Variants in PRKX observed in about 807,000 individuals in gnomAD.
The protein encoded by PRKX is cAMP-dependent protein kinase catalytic subunit PRKX.
PRKX carries 12 observed loss-of-function variants against 22.0 expected under a neutral mutation model. That is an observed-to-expected ratio of 0.54 (90% confidence interval 0.35 to 0.88). PRKX has a LOEUF of 0.88. Ranked by LOEUF, PRKX falls within the 40% of genes least tolerant of loss-of-function variation. The pLI is 0.01. For synonymous variants in PRKX, 134 were observed against 137.7 expected, an observed-to-expected ratio of 0.97 and a Z score of 0.19; for missense variants, 217 against 308.0, an observed-to-expected ratio of 0.70 and a Z score of 2.21.
At chrX:3,610,472 ACT>A (rs1926272067) in intron 8 of PRKX, among the ~76,000 whole-genome samples, 1 of 110,807 alleles carries the variant, frequency 9.0e-6, no homozygotes, top group Non-Finnish European at 1.9e-5. Context: ...ACCGAGCGAG[ACT>A]CTGTCTCAAA....
At chrX:3,679,741 C>A (rs768912080) in intron 1 of PRKX, among the ~76,000 whole-genome samples, 1 of 112,074 alleles carries the variant, frequency 8.9e-6, no homozygotes. Flanking sequence ...CCCAAATATA[C>A]CTGATCTATA....
At chrX:3,623,416 C>A (rs187922260) in intron 5 of PRKX, among the ~76,000 whole-genome samples, 29 of 110,013 alleles carry the variant, frequency 2.6e-4, no homozygotes, top group African/African-American at 9.6e-4. Context: ...ATTGGCCAGG[C>A]ATGGTGGTGC....
intron 3 of PRKX, among the ~76,000 whole-genome samples, chrX:3,647,864 A>T (rs1367823672): frequency 9.1e-6 from 1 of 109,541 alleles, no homozygotes; most frequent in Admixed American, 1.0e-4. Context: ...TCCTCATTAA[A>T]CAGCATCTTC....
chrX:3,628,474 T>G (rs1926705256), intron 4 of PRKX, among the ~76,000 whole-genome samples: 1 of 112,115 alleles, frequency 8.9e-6, no homozygotes, highest in African/African-American at 3.2e-5. Context: ...CTCCATTCTT[T>G]GTATCAAAGC....
chrX:3,639,609 G>A (rs1423295173), intron 4 of PRKX, among the ~76,000 whole-genome samples: 1 of 106,732 alleles, frequency 9.4e-6, no homozygotes, highest in Admixed American at 1.0e-4. Context: ...TATAAACATA[G>A]ATAAATAGAC....
intron 1 of PRKX, among the ~76,000 whole-genome samples, chrX:3,701,472 T>A (rs1928571206): frequency 8.9e-6 from 1 of 112,416 alleles, no homozygotes; most frequent in African/African-American, 3.2e-5. Context: ...TCTAGACAAG[T>A]TGCTTTCTCA....
rs1926135550 is a variant in PRKX, at chrX:3,605,049, A to G, written c.*3920T>C. On this transcript the variant is annotated 3_prime_UTR_variant, in exon 9 of 9. Transcript: ENST00000262848. The stretch of plus-strand genomic sequence containing the variant: ...CACACACACACACACACACACACAC[A>G]CACACACACACCCCGCAAAGAAACT... The G allele has an allele frequency of 9.4e-6, 1 of 106,941 alleles. No individual in the cohort carries two copies. Among genetic ancestry groups the G allele is most frequent in the Non-Finnish European group, 1.9e-5 (1 of 51,777 alleles). 8.8% of individuals were successfully genotyped at this position (106,941 alleles called of 1,213,427 possible). A position where few individuals can be genotyped will look rare whatever the true frequency, so the allele number is the denominator to read the frequency against.
At chrX:3,635,515 G>A (rs1461401714) in intron 4 of PRKX, among the ~76,000 whole-genome samples, 2 of 111,626 alleles carry the variant, frequency 1.8e-5, no homozygotes, top group East Asian at 5.6e-4. Context: ...ATGGCCCAGG[G>A]GCTTTCTCTT....
intron 4 of PRKX, among the ~76,000 whole-genome samples, chrX:3,630,365 C>G (rs1275105132): frequency 9.0e-6 from 1 of 111,113 alleles, no homozygotes; most frequent in Non-Finnish European, 1.9e-5. Context: ...TCGAGACCAT[C>G]CTGGCTAACA....
At chrX:3,680,778 C>T (rs1928056969) in intron 1 of PRKX, among the ~76,000 whole-genome samples, 2 of 112,060 alleles carry the variant, frequency 1.8e-5, no homozygotes, top group South Asian at 7.4e-4. Context: ...TACAGCCAGG[C>T]ACCGTAGCTC....
chrX:3,676,061 T>A (rs192722810), intron 1 of PRKX, among the ~76,000 whole-genome samples: 1 of 111,455 alleles, frequency 9.0e-6, no homozygotes, highest in African/African-American at 3.3e-5. Context: ...TTCTAGAGTA[T>A]CCCTAAATTG....
Position 3,612,190 on chromosome X carries a change from G to A in PRKX, c.*10C>T, listed in dbSNP as rs769212571. The A allele has an allele frequency of 1.4e-5, 17 of 1,203,591 alleles. No individual in the cohort carries two copies. The South Asian group carries it at 3.1e-4, about 22-fold the overall frequency. ...ATAAAGATATACCTTCCAGATGTGA[G>A]CTCCTGTCCTCAGAAATTCTTGAAG... On this transcript the variant is annotated 3_prime_UTR_variant, in exon 8 of 9. Coordinates refer to ENST00000262848, the MANE Select transcript of PRKX (RefSeq NM_005044.5).
At chrX:3,635,363 T>C (rs1926866787) in intron 4 of PRKX, among the ~76,000 whole-genome samples, 1 of 111,533 alleles carries the variant, frequency 9.0e-6, no homozygotes, top group Non-Finnish European at 1.9e-5. Flanking sequence ...TTGTCTTAGT[T>C]GACACCTATG....
chrX:3,687,362 A>G (rs1197411826), intron 1 of PRKX, among the ~76,000 whole-genome samples: 4 of 112,350 alleles, frequency 3.6e-5, no homozygotes, highest in African/African-American at 1.3e-4. Context: ...AACTTAGCCA[A>G]TAATAAGGTA....
intron 3 of PRKX, among the ~76,000 whole-genome samples, chrX:3,654,811 C>T (rs1012812820): frequency 4.5e-5 from 5 of 110,320 alleles, no homozygotes; most frequent in Non-Finnish European, 7.6e-5. Flanking sequence ...GTATCCTATT[C>T]GATGCAGATC....
intron 1 of PRKX, among the ~76,000 whole-genome samples, chrX:3,705,939 G>T (rs747539092): frequency 2.8e-5 from 3 of 105,685 alleles, no homozygotes; most frequent in Admixed American, 1.0e-4. Context: ...TGACCCGCCT[G>T]CCTCAGCCTC....
chrX:3,639,855 T>C (rs1434648673), intron 4 of PRKX, among the ~76,000 whole-genome samples: 2 of 110,796 alleles, frequency 1.8e-5, no homozygotes, highest in Non-Finnish European at 3.8e-5. Context: ...CGATGACCCC[T>C]GTCTGCTCCC....
rs779377825 is a variant in PRKX at position 3,678,834 on chromosome X, CT to C, written c.167-4069del. Among the ~76,000 whole-genome samples, 491 of 111,693 alleles carry C rather than the reference CT, an allele frequency of 4.4e-3. 2 individuals carry two copies. The highest frequency in any genetic ancestry group is 0.014 in the African/African-American group (427 of 30,759). ...ATTATCCCACTTGAGGAGAAAATGT[CT>C]ATTTGTAGCCTTCTCTGCAGCTAAG... On this transcript the variant is annotated intron_variant, in intron 1 of 8. Coordinates refer to ENST00000262848, the MANE Select transcript of PRKX (RefSeq NM_005044.5).
chrX:3,625,826 C>T (rs1187206882), intron 5 of PRKX, among the ~76,000 whole-genome samples: 5 of 111,519 alleles, frequency 4.5e-5, no homozygotes, highest in African/African-American at 1.6e-4. Context: ...CCACCTCAAC[C>T]TCCCAAAGTG....
Sources: allele counts gnomAD v4.1 joint callset (sites outside exome capture counted in the v4.1 genomes callset), GRCh38; gene constraint gnomAD v4.1.1; transcripts MANE v1.5; gene names NCBI Gene and HGNC (gene_info 2026-07-23, HGNC 2026-07-21).